The following DBP variants were observed in gnomAD, a reference collection of about 807,000 sequenced individuals.
The protein encoded by DBP is D-box binding PAR bZIP transcription factor.
In DBP, 12 loss-of-function variants were observed where a neutral mutation model predicts 21.4. The ratio of observed to expected loss-of-function variants is 0.56; its 90% CI spans 0.36 to 0.91. DBP has a LOEUF of 0.91. Among genes scored for constraint, DBP ranks in the 40% least tolerant of loss-of-function variants. The pLI, the probability that DBP is intolerant of heterozygous loss-of-function variation, is 0.01. For missense variants in DBP, 423 were observed against 473.4 expected (o/e 0.89, Z 0.99); for synonymous variants, 213 against 224.9 (o/e 0.95, Z 0.47).
chr19:48,630,743 T>C lies in DBP; in HGVS notation c.*94A>G, dbSNP rs1241309520. On this transcript the variant is annotated 3_prime_UTR_variant, in exon 4 of 4. Coordinates refer to ENST00000222122, the MANE Select transcript of DBP (RefSeq NM_001352.5). The surrounding 1 kb of genome is among the most constrained non-coding windows in gnomAD (Gnocchi z 4.9). ...TTATCACGTCCCTGGGGCACCCAGC[T>C]GGCCGGCCCGTGGGCCACAGGGCAG... 2 of 1,443,882 alleles carry C rather than the reference T, an allele frequency of 1.4e-6. No individual in the cohort carries two copies. Among genetic ancestry groups the C allele is most frequent in the Non-Finnish European group, 1.9e-6 (2 of 1,079,464 alleles). The allele number at this position is 1,443,882 out of a possible 1,614,324, so 89.4% of individuals were successfully genotyped here.
chr19:48,635,089 G>A, intron 2 of DBP: 1 of 987,418 alleles, frequency 1.0e-6, no homozygotes, highest in African/African-American at 1.7e-5. Context: ...ACGCCCCACT[G>A]GGGGACCCAG....
chr19:48,635,303 GT>G (rs2147712024), intron 2 of DBP: 1 of 1,251,696 alleles, frequency 8.0e-7, no homozygotes, highest in Middle Eastern at 2.1e-4. Flanking sequence ...TATCCACATC[GT>G]TTGTCCCCAA....
Position 48,630,781 on chromosome 19 carries a change from G to T in DBP, c.*56C>A. 1 of 1,523,640 alleles carries T rather than the reference G, an allele frequency of 6.6e-7. No individual in the cohort carries two copies. The allele number at this position is 1,523,640 out of a possible 1,614,324, so 94.4% of individuals were successfully genotyped here. ...GGCCACAGGGCAGGAAGGGAACAGG[G>T]CGTAAGTCTCAGCAAGGCGGAGGAG... On this transcript the variant is annotated 3_prime_UTR_variant, in exon 4 of 4. Transcript: ENST00000222122. The surrounding 1 kb of genome is among the most constrained non-coding windows in gnomAD (Gnocchi z 4.9).
chr19:48,637,136 C>A lies in DBP; in HGVS notation c.-142G>T. ...GCCTGCAACCCTCCAGTATCCAGAA[C>A]GCTGCAAATCCTAGGAGCGACGGGG... On this transcript the variant is annotated 5_prime_UTR_variant, in exon 1 of 4. Transcript: ENST00000222122. 1.4e-6 allele frequency: 1 copy of A among 721,090 alleles called. No individual in the cohort carries two copies. 44.7% of individuals were successfully genotyped at this position (721,090 alleles called of 1,614,324 possible).
intron 3 of DBP, chr19:48,633,212 G>T: frequency 1.6e-6 from 1 of 615,482 alleles, no homozygotes; most frequent in Non-Finnish European, 2.9e-6. Flanking sequence ...CCCCTAAAAT[G>T]CTGGGATTAC....
chr19:48,635,547 C>T (rs1161181087), intron 2 of DBP, 33 bp downstream of exon 2: 1 of 1,441,436 alleles, frequency 6.9e-7, no homozygotes, highest in Non-Finnish European at 9.1e-7. Context: ...AAGCCCCGCC[C>T]CGTCAGGACC....
chr19:48,631,195 T>TA (rs1308311450), intron 3 of DBP, 143 bp from the exon 4 acceptor site: 1 of 689,196 alleles, frequency 1.5e-6, no homozygotes, highest in Non-Finnish European at 2.4e-6. Flanking sequence ...TCTAGGGCCC[T>TA]GGTTGCTAAG....
intron 3 of DBP, chr19:48,632,853 G>C (rs531950727): frequency 6.0e-6 from 1 of 166,526 alleles, no homozygotes; most frequent in African/African-American, 2.4e-5. Context: ...GGAGAGACAG[G>C]CCACAGGCTG....
Position 48,633,428 on chromosome 19 carries a change from A to C in DBP, c.762+16T>G. On this transcript the variant is annotated intron_variant, in intron 3 of 3. Coordinates refer to ENST00000222122, the MANE Select transcript of DBP (RefSeq NM_001352.5). ...GTCTCCAGCCAAGTCTATCTCCCACATCCAGCTCTGCTCACCTTCTGCTCC... is the reference window on the plus strand; with the variant it reads ...GTCTCCAGCCAAGTCTATCTCCCACCTCCAGCTCTGCTCACCTTCTGCTCC... 1 of 1,613,600 alleles carries C rather than the reference A, an allele frequency of 6.2e-7. No homozygotes were observed. The highest frequency in any genetic ancestry group is 8.5e-7 in the Non-Finnish European group (1 of 1,179,576).
chr19:48,637,154 C>T lies in DBP; in HGVS notation c.-160G>A, dbSNP rs769159834. On this transcript the variant is annotated 5_prime_UTR_variant, in exon 1 of 4. Transcript: ENST00000222122. Reference sequence around the variant, plus strand: ...TCCAGAACGCTGCAAATCCTAGGAGCGACGGGGATTTGAGGTCCTCGGTGC... The same window carrying T: ...TCCAGAACGCTGCAAATCCTAGGAGTGACGGGGATTTGAGGTCCTCGGTGC... The T allele has an allele frequency of 3.2e-5, 20 of 621,142 alleles. No individual in the cohort carries two copies. Among genetic ancestry groups the T allele is most frequent in the Non-Finnish European group, 4.9e-5 (19 of 387,670 alleles). The allele number at this position is 621,142 out of a possible 1,614,324, so 38.5% of individuals were successfully genotyped here. A position where few individuals can be genotyped will look rare whatever the true frequency, so the allele number is the denominator to read the frequency against.
chr19:48,633,443 C>T lies in DBP; in HGVS notation c.762+1G>A, dbSNP rs2030669528. 6.2e-7 allele frequency: 1 copy of T among 1,614,192 alleles called. No homozygotes were observed. Among genetic ancestry groups the T allele is most frequent in the Non-Finnish European group, 8.5e-7 (1 of 1,180,006 alleles). ...TATCTCCCACATCCAGCTCTGCTCACCTTCTGCTCCTCCGGCACCTGGATT... is the reference window on the plus strand; with the variant it reads ...TATCTCCCACATCCAGCTCTGCTCATCTTCTGCTCCTCCGGCACCTGGATT... On this transcript the variant is annotated splice_donor_variant, in intron 3 of 3. Coordinates refer to ENST00000222122, the MANE Select transcript of DBP (RefSeq NM_001352.5). LOFTEE classifies it high-confidence loss of function.
Position 48,630,777 on chromosome 19 carries a change from C to T in DBP, c.*60G>A. On this transcript the variant is annotated 3_prime_UTR_variant, in exon 4 of 4. Transcript: ENST00000222122. The surrounding 1 kb of genome is among the most constrained non-coding windows in gnomAD (Gnocchi z 4.9). ...CGTGGGCCACAGGGCAGGAAGGGAA[C>T]AGGGCGTAAGTCTCAGCAAGGCGGA... The T allele has an allele frequency of 6.6e-7, 1 of 1,514,532 alleles. No homozygotes were observed. Among genetic ancestry groups the T allele is most frequent in the Non-Finnish European group, 8.9e-7 (1 of 1,122,726 alleles). The allele number at this position is 1,514,532 out of a possible 1,614,324, so 93.8% of individuals were successfully genotyped here.
At position 48,636,794 on chromosome 19, in the gene DBP, G is replaced by A. The variant is rs1057420277; in HGVS notation, c.139+62C>T. On this transcript the variant is annotated intron_variant, in intron 1 of 3. Coordinates refer to ENST00000222122, the MANE Select transcript of DBP (RefSeq NM_001352.5). ...AGGTTTCTATGGGACCCCACCCCAC[G>A]GCACCTGAGTCCCTAAGGGGGTAGG... The A allele has an allele frequency of 3.8e-6, 6 of 1,570,872 alleles. No individual in the cohort carries two copies. In the Admixed American group the frequency reaches 9.5e-5, roughly 25 times the overall value.
At position 48,630,391 on chromosome 19, in the gene DBP, G is replaced by C. The variant is rs1382204707; in HGVS notation, c.*446C>G. 5.1e-6 allele frequency: 7 copies of C among 1,375,624 alleles called. No individual in the cohort carries two copies. Among genetic ancestry groups the C allele is most frequent in the Non-Finnish European group, 6.6e-6 (7 of 1,065,776 alleles). 85.2% of individuals were successfully genotyped at this position (1,375,624 alleles called of 1,614,324 possible). A position where few individuals can be genotyped will look rare whatever the true frequency, so the allele number is the denominator to read the frequency against. ...AAAGGTCTATGCAATAAAGGCAGTCGCTTCATTCCTCTCAGACCTTCTGCC... is the reference window on the plus strand; with the variant it reads ...AAAGGTCTATGCAATAAAGGCAGTCCCTTCATTCCTCTCAGACCTTCTGCC... On this transcript the variant is annotated 3_prime_UTR_variant, in exon 4 of 4. Transcript: ENST00000222122. This position sits in a 1 kb window ranked among gnomAD's most constrained non-coding sequence, Gnocchi z 4.9.
Position 48,630,142 on chromosome 19 carries a change from G to A in DBP, c.*695C>T. The A allele has an allele frequency of 4.0e-6, 5 of 1,252,768 alleles. No homozygotes were observed. Among genetic ancestry groups the A allele is most frequent in the South Asian group, 5.8e-5 (2 of 34,518 alleles). The allele number at this position is 1,252,768 out of a possible 1,614,324, so 77.6% of individuals were successfully genotyped here. On this transcript the variant is annotated 3_prime_UTR_variant, in exon 4 of 4. Transcript: ENST00000222122. This position sits in a 1 kb window ranked among gnomAD's most constrained non-coding sequence, Gnocchi z 4.9. The stretch of plus-strand genomic sequence containing the variant: ...CAATGACAGGACCTGGAATGTACTG[G>A]CTGGGGTAGGCCTCAGTGAGTCGGC...
At chr19:48,631,373 G>C (rs1056904248) in intron 3 of DBP, 12 of 336,992 alleles carry the variant, frequency 3.6e-5, no homozygotes, top group African/African-American at 2.5e-4. Context: ...TAGCAACAAG[G>C]CCTTCATGGT....
intron 2 of DBP, 182 bp downstream of exon 2, chr19:48,635,398 T>A (rs547380859): frequency 7.9e-7 from 1 of 1,269,944 alleles, no homozygotes; most frequent in African/African-American, 3.9e-5. Flanking sequence ...CATGGATCCA[T>A]TGGTCCCTGA....
Position 48,630,045 on chromosome 19 carries a change from C to G in DBP, c.*792G>C. On this transcript the variant is annotated 3_prime_UTR_variant, in exon 4 of 4. Coordinates refer to ENST00000222122, the MANE Select transcript of DBP (RefSeq NM_001352.5). The surrounding 1 kb of genome is among the most constrained non-coding windows in gnomAD (Gnocchi z 4.9). ...GGGGCCGCCCTTACGGGGCAGGGCT[C>G]AGTCCTGACGCTTGCCACCTGCTCC... is the stretch of plus-strand genomic sequence containing the variant. The G allele has an allele frequency of 7.5e-7, 1 of 1,331,204 alleles. No homozygotes were observed. The highest frequency in any genetic ancestry group is 9.6e-7 in the Non-Finnish European group (1 of 1,043,014). 82.5% of individuals were successfully genotyped at this position (1,331,204 alleles called of 1,614,324 possible).
At position 48,630,073 on chromosome 19, in the gene DBP, C is replaced by T; in HGVS notation, c.*764G>A. 3.9e-6 allele frequency: 5 copies of T among 1,283,018 alleles called. No homozygotes were observed. The highest frequency in any genetic ancestry group is 2.0e-6 in the Non-Finnish European group (2 of 1,015,274). 79.5% of individuals were successfully genotyped at this position (1,283,018 alleles called of 1,614,324 possible). On this transcript the variant is annotated 3_prime_UTR_variant, in exon 4 of 4. Transcript: ENST00000222122. The surrounding 1 kb of genome is among the most constrained non-coding windows in gnomAD (Gnocchi z 4.9). The stretch of plus-strand genomic sequence containing the variant: ...TCCTGACGCTTGCCACCTGCTCCTA[C>T]CCGGCCAGGATGGCTGAGGGCGGAG...
Sources: allele counts gnomAD v4.1 joint callset, GRCh38; gene constraint gnomAD v4.1.1; non-coding constraint Gnocchi (gnomAD v3.1); transcripts MANE v1.5; gene names NCBI Gene and HGNC (gene_info 2026-07-23, HGNC 2026-07-21).